The following SAFB variants were observed in gnomAD, a reference collection of about 807,000 sequenced individuals.
SAFB encodes scaffold attachment factor B.
A neutral mutation model predicts 101.6 loss-of-function variants in SAFB; 15 were observed. The ratio of observed to expected loss-of-function variants is 0.15; its 90% CI spans 0.10 to 0.23. The LOEUF (loss-of-function observed/expected upper bound fraction) is 0.23, where lower values mean the gene tolerates loss of function less well. SAFB is among the 10% of genes least tolerant of loss of function. The pLI is 1.00. For missense variants in SAFB, 930 were observed against 1,104.1 expected (o/e 0.84, Z 2.23); for synonymous variants, 449 against 407.5 (o/e 1.10, Z -1.23).
Position 5,626,494 on chromosome 19 carries a change from G to A in SAFB, c.274+5G>A. 7.1e-6 allele frequency: 11 copies of A among 1,557,614 alleles called. No individual in the cohort carries two copies. Among genetic ancestry groups the A allele is most frequent in the Non-Finnish European group, 9.7e-6 (11 of 1,131,268 alleles). ...CATCAAAGAGGTCTAGCAAAGGTAT[G>A]GAGGATTTCATAAGCAAGTTTCATG... On this transcript the variant is annotated splice_donor_5th_base_variant and intron_variant, in intron 2 of 20. Transcript: ENST00000588852.
chr19:5,632,381 G>A (rs952298167), intron 2 of SAFB, among the ~76,000 whole-genome samples: 1 of 152,142 alleles, frequency 6.6e-6, no homozygotes, highest in African/African-American at 2.4e-5. Context: ...CGCATGGTAA[G>A]TTGCAAGGCG....
At chr19:5,623,868 G>A (rs1414545340) in intron 1 of SAFB, 1 of 155,504 alleles carries the variant, frequency 6.4e-6, no homozygotes, top group Non-Finnish European at 1.4e-5. Context: ...ACCCACAGGG[G>A]ACCGACCAGC....
chr19:5,639,132 A>G (rs1386435237), intron 2 of SAFB, among the ~76,000 whole-genome samples: 1 of 152,234 alleles, frequency 6.6e-6, no homozygotes, highest in Non-Finnish European at 1.5e-5. Flanking sequence ...AGACATAAAT[A>G]CAAATATAAT....
At chr19:5,626,892 T>C (rs966519952) in intron 2 of SAFB, among the ~76,000 whole-genome samples, 1 of 151,748 alleles carries the variant, frequency 6.6e-6, no homozygotes. Flanking sequence ...AAAAAAACTT[T>C]TAAAGGCCCG....
chr19:5,630,898 A>C (rs1007958416), intron 2 of SAFB, among the ~76,000 whole-genome samples: 2 of 152,214 alleles, frequency 1.3e-5, no homozygotes, highest in African/African-American at 4.8e-5. Context: ...GGATGAAAAC[A>C]TGAAACATTT....
At chr19:5,645,290 C>T (rs778883634) in intron 4 of SAFB, 47 bp from the exon 5 acceptor site, 8 of 803,378 alleles carry the variant, frequency 1.0e-5, no homozygotes, top group Non-Finnish European at 1.6e-5. Flanking sequence ...CATTATGTTA[C>T]GTTATTGTTG....
At chr19:5,660,031 G>T (rs1220868734) in intron 14 of SAFB, among the ~76,000 whole-genome samples, 1 of 152,176 alleles carries the variant, frequency 6.6e-6, no homozygotes, top group Non-Finnish European at 1.5e-5. Flanking sequence ...AAGACATGTT[G>T]GGTGAACTAA....
chr19:5,649,196 A>G lies in SAFB; in HGVS notation c.845A>G (p.Gln282Arg). 5.5e-6 allele frequency: 2 copies of G among 362,316 alleles called. No individual in the cohort carries two copies. Among genetic ancestry groups the G allele is most frequent in the South Asian group, 4.7e-5 (2 of 42,882 alleles). 22.4% of individuals were successfully genotyped at this position (362,316 alleles called of 1,614,324 possible). Residue 282 changes from glutamine to arginine, a missense_variant, in exon 7 of 21, where the codon CAG (glutamine) becomes CGG (arginine). Gln to Arg is a conservative substitution (Grantham distance 43). Around this residue, in one of 7 missense-constraint regions of SAFB, gnomAD observed 130 missense variants for 114.2 expected, o/e 1.14. Coordinates refer to ENST00000588852, the MANE Select transcript of SAFB (RefSeq NM_001201338.2). ...GCCAGCGAGTCAACAGCACACGCTCAGTCGAGCAAGGCAGACAGCCTGTTA... is the reference window on the plus strand; with the variant it reads ...GCCAGCGAGTCAACAGCACACGCTCGGTCGAGCAAGGCAGACAGCCTGTTA... ...DLASESTAHA[Q>R]SSKADSLLAV... is the part of the protein sequence containing the mutation.
chr19:5,628,677 G>C (rs1487168724), intron 2 of SAFB, among the ~76,000 whole-genome samples: 1 of 152,200 alleles, frequency 6.6e-6, no homozygotes, highest in Non-Finnish European at 1.5e-5. Context: ...TTAAATATCT[G>C]AGAGTCAGGC....
At position 5,654,245 on chromosome 19, in the gene SAFB, C is replaced by T. The variant is rs374192369; in HGVS notation, c.1666+45C>T. On this transcript the variant is annotated intron_variant, in intron 12 of 20. Coordinates refer to ENST00000588852, the MANE Select transcript of SAFB (RefSeq NM_001201338.2). ...AGGAGATTCTGTCTTGTTTCTGTGC[C>T]TAGTGGAGTTTGTTAGTTTGCTGTG... 41 of 1,609,840 alleles carry T rather than the reference C, an allele frequency of 2.5e-5. 1 individual carries two copies. Among genetic ancestry groups the T allele is most frequent in the Middle Eastern group, 1.6e-4 (1 of 6,072 alleles).
At chr19:5,661,864 T>G in intron 15 of SAFB, 56 bp downstream of exon 15, 1 of 1,159,712 alleles carries the variant, frequency 8.6e-7, no homozygotes. Flanking sequence ...GTTAGGGACC[T>G]CACAGTCCAG....
chr19:5,643,367 T>G (rs1173741123), intron 4 of SAFB, among the ~76,000 whole-genome samples: 1 of 152,188 alleles, frequency 6.6e-6, no homozygotes, highest in Non-Finnish European at 1.5e-5. Flanking sequence ...CTGCATTTCT[T>G]CAGAATATTT....
Position 5,667,904 on chromosome 19 carries a change from C to A in SAFB, c.2624+18C>A. 6.3e-7 allele frequency: 1 copy of A among 1,586,038 alleles called. No homozygotes were observed. The highest frequency in any genetic ancestry group is 8.6e-7 in the Non-Finnish European group (1 of 1,165,958). On this transcript the variant is annotated intron_variant, in intron 20 of 20. Coordinates refer to ENST00000588852, the MANE Select transcript of SAFB (RefSeq NM_001201338.2). This position sits in a 1 kb window ranked among gnomAD's most constrained non-coding sequence, Gnocchi z 4.0. ...ATGTCAGGGTAAGGCATGCTGGGGG[C>A]GGCGCCCCTTCCCCCTGCTTTGCAT...
rs922583003 is a variant in SAFB at position 5,623,143 on chromosome 19, T to C, written c.-63T>C. ...CCTCGCAGGCGGCGCCATTTTGTGC[T>C]AGGAGCCTGATAAAACCGGCCCGGT... On this transcript the variant is annotated 5_prime_UTR_variant, in exon 1 of 21. Transcript: ENST00000588852. The C allele has an allele frequency of 2.5e-5, 37 of 1,503,102 alleles. No homozygotes were observed. The highest frequency in any genetic ancestry group is 3.0e-5 in the Non-Finnish European group (33 of 1,108,688). The allele number at this position is 1,503,102 out of a possible 1,614,324, so 93.1% of individuals were successfully genotyped here.
Position 5,650,463 on chromosome 19 carries a change from G to A in SAFB, c.1198+488G>A, listed in dbSNP as rs554503504. Among the ~76,000 whole-genome samples the A allele has an allele frequency of 3.3e-5, 5 of 152,288 alleles. No individual in the cohort carries two copies. The East Asian group carries it at 9.6e-4, about 29-fold the overall frequency. On this transcript the variant is annotated intron_variant, in intron 8 of 20. Transcript: ENST00000588852. ...GTCTTGTTCTGTTGCCCAGGCTGGA[G>A]TGCAGTGGCGCGATCTCAGCTCACT...
chr19:5,661,398 C>T (rs1372468676), intron 14 of SAFB, 120 bp from the exon 15 acceptor site: 3 of 1,519,032 alleles, frequency 2.0e-6, no homozygotes, highest in Non-Finnish European at 2.6e-6. Context: ...TACGGTTCTG[C>T]AGACCACGTA....
chr19:5,625,735 G>A (rs551686312), intron 1 of SAFB, among the ~76,000 whole-genome samples: 14 of 152,138 alleles, frequency 9.2e-5, no homozygotes, highest in Admixed American at 6.6e-4. Context: ...GAGGCTGGGC[G>A]TGCCAAGAAA....
intron 2 of SAFB, among the ~76,000 whole-genome samples, chr19:5,640,984 C>G (rs1356564907): frequency 6.7e-6 from 1 of 149,278 alleles, no homozygotes; most frequent in African/African-American, 2.5e-5. Flanking sequence ...GGCTGGAGTG[C>G]AGTGGCGCAG....
chr19:5,645,375 A>G lies in SAFB; in HGVS notation c.585A>G (p.Ser195=), dbSNP rs970885098. Residue 195 remains serine (S), a synonymous_variant, in exon 5 of 21, where the codon TCA becomes TCG. Coordinates refer to ENST00000588852, the MANE Select transcript of SAFB (RefSeq NM_001201338.2). The stretch of plus-strand genomic sequence containing the variant: ...AAACTATAAACAATTTAGATACTTC[A>G]TCATCTGACTTCACTATATTACAGG... The part of the protein sequence containing the change: ...DKETINNLDT[S]SSDFTILQEI... 2.9e-6 allele frequency: 4 copies of G among 1,385,716 alleles called. No individual in the cohort carries two copies. The highest frequency in any genetic ancestry group is 2.8e-5 in the African/African-American group (2 of 70,442). 85.8% of individuals were successfully genotyped at this position (1,385,716 alleles called of 1,614,324 possible). A position where few individuals can be genotyped will look rare whatever the true frequency, so the allele number is the denominator to read the frequency against.
Sources: allele counts gnomAD v4.1 joint callset (sites outside exome capture counted in the v4.1 genomes callset), GRCh38; gene constraint gnomAD v4.1.1; regional missense constraint gnomAD v4.1.1; non-coding constraint Gnocchi (gnomAD v3.1); transcripts MANE v1.5; gene names NCBI Gene and HGNC (gene_info 2026-07-23, HGNC 2026-07-21).